Variants in HIBADH observed in about 807,000 individuals in gnomAD.
HIBADH encodes the protein 3-hydroxyisobutyrate dehydrogenase, mitochondrial.
Under a neutral mutation model 36.1 loss-of-function variants are expected in HIBADH, and 25 were observed. The observed-to-expected ratio is 0.69, with a 90% CI of 0.50 to 0.97. HIBADH has a LOEUF of 0.97. HIBADH is among the 50% of genes least tolerant of loss of function. HIBADH has a pLI of 0.00. For synonymous variants in HIBADH, 160 were observed against 149.5 expected (o/e 1.07, Z -0.51); for missense variants, 421 against 418.0 (o/e 1.01, Z -0.06).
At chr7:27,610,861 A>G (rs966777625) in intron 4 of HIBADH, among the ~76,000 whole-genome samples, 1 of 152,218 alleles carries the variant, frequency 6.6e-6, no homozygotes, top group Admixed American at 6.5e-5. Context: ...TCCTTTTACC[A>G]TAAATTAGAT....
chr7:27,613,242 A>G (rs1785364487), intron 4 of HIBADH, among the ~76,000 whole-genome samples: 1 of 142,156 alleles, frequency 7.0e-6, no homozygotes, highest in African/African-American at 2.6e-5. Flanking sequence ...GCTGTCCTCC[A>G]GGTTATCTCC....
intron 7 of HIBADH, among the ~76,000 whole-genome samples, chr7:27,530,705 TAACTA>T (rs973951770): frequency 2.2e-4 from 33 of 148,088 alleles, no homozygotes; most frequent in African/African-American, 8.8e-4. Flanking sequence ...TCCAATGACT[TAACTA>T]GTTTTTATAT....
intron 4 of HIBADH, among the ~76,000 whole-genome samples, chr7:27,615,342 T>C (rs1246992545): frequency 6.6e-6 from 1 of 152,176 alleles, no homozygotes; most frequent in Non-Finnish European, 1.5e-5. Context: ...TAGAGAACCC[T>C]GGGCAAGTCA....
chr7:27,634,291 T>C (rs980854950), intron 2 of HIBADH, among the ~76,000 whole-genome samples: 1 of 152,166 alleles, frequency 6.6e-6, no homozygotes, highest in African/African-American at 2.4e-5. Flanking sequence ...AACCTGTATA[T>C]TTTGATATAT....
intron 4 of HIBADH, among the ~76,000 whole-genome samples, chr7:27,605,487 G>A (rs1314893400): frequency 8.2e-6 from 1 of 121,458 alleles, no homozygotes; most frequent in Admixed American, 8.7e-5. Context: ...CAAGACCCAG[G>A]GAGGGGGGTG....
chr7:27,571,245 G>A (rs909194076), intron 4 of HIBADH, among the ~76,000 whole-genome samples: 8 of 151,174 alleles, frequency 5.3e-5, no homozygotes, highest in Admixed American at 2.0e-4. Context: ...TTTTTGAGAC[G>A]GAGTTTTGCT....
intron 4 of HIBADH, among the ~76,000 whole-genome samples, chr7:27,572,082 G>C (rs1423053902): frequency 6.6e-6 from 1 of 152,158 alleles, no homozygotes; most frequent in Non-Finnish European, 1.5e-5. Context: ...CTTTGTGTGA[G>C]CATAGGGCCT....
chr7:27,590,859 A>C (rs1431288480), intron 4 of HIBADH, among the ~76,000 whole-genome samples: 2 of 152,224 alleles, frequency 1.3e-5, no homozygotes, highest in African/African-American at 2.4e-5. Context: ...AGGTACGGTT[A>C]AGTGAAATTA....
intron 4 of HIBADH, among the ~76,000 whole-genome samples, chr7:27,587,380 G>C (rs1784880843): frequency 6.6e-6 from 1 of 151,852 alleles, no homozygotes; most frequent in African/African-American, 2.4e-5. Context: ...TTTACTACCA[G>C]AAATATGAAA....
intron 2 of HIBADH, among the ~76,000 whole-genome samples, chr7:27,643,711 C>G (rs1424799452): frequency 1.3e-5 from 2 of 152,218 alleles, no homozygotes; most frequent in African/African-American, 4.8e-5. Flanking sequence ...TCTCTCACAG[C>G]TCTGGAGGCC....
intron 1 of HIBADH, among the ~76,000 whole-genome samples, chr7:27,652,279 G>T (rs1006279522): frequency 6.6e-6 from 1 of 151,958 alleles, no homozygotes; most frequent in Non-Finnish European, 1.5e-5. Context: ...CCTAAAGAAT[G>T]CACAAAGAAA....
chr7:27,534,848 C>T (rs1485779697), intron 6 of HIBADH, among the ~76,000 whole-genome samples: 1 of 151,582 alleles, frequency 6.6e-6, no homozygotes, highest in Non-Finnish European at 1.5e-5. Context: ...GTGCCAGAAA[C>T]TATTTAATAA....
At position 27,655,679 on chromosome 7, in the gene HIBADH, G is replaced by A. The variant is rs182602215; in HGVS notation, c.92-6046C>T. Among the ~76,000 whole-genome samples, 808 of 152,012 alleles carry A rather than the reference G, an allele frequency of 5.3e-3. 6 individuals are homozygous for A. The highest frequency in any genetic ancestry group is 7.9e-3 in the Non-Finnish European group (534 of 67,978). ...TATATGTAAAATAACTTTACAATCTGGAAGAAAAACATGAATAATTTTTTA... is the reference window on the plus strand; with the variant it reads ...TATATGTAAAATAACTTTACAATCTAGAAGAAAAACATGAATAATTTTTTA... On this transcript the variant is annotated intron_variant, in intron 1 of 7. Coordinates refer to ENST00000265395, the MANE Select transcript of HIBADH (RefSeq NM_152740.4).
chr7:27,598,458 GGA>G (rs1410239423), intron 4 of HIBADH, among the ~76,000 whole-genome samples: 15 of 152,052 alleles, frequency 9.9e-5, no homozygotes, highest in African/African-American at 3.6e-4. Flanking sequence ...TTTTAAAGAA[GGA>G]ATAAGAATCA....
At chr7:27,647,225 G>A (rs1786089607) in intron 2 of HIBADH, among the ~76,000 whole-genome samples, 1 of 152,182 alleles carries the variant, frequency 6.6e-6, no homozygotes, top group Non-Finnish European at 1.5e-5. Context: ...GCCAGGGAGT[G>A]TCTGCAGCAT....
chr7:27,579,085 A>G (rs1458396887), intron 4 of HIBADH, among the ~76,000 whole-genome samples: 1 of 152,234 alleles, frequency 6.6e-6, no homozygotes, highest in Non-Finnish European at 1.5e-5. Context: ...AATGTAACAT[A>G]TGAACTTTTA....
chr7:27,573,094 G>A (rs912325255), intron 4 of HIBADH, among the ~76,000 whole-genome samples: 3 of 152,100 alleles, frequency 2.0e-5, no homozygotes, highest in Non-Finnish European at 1.5e-5. Flanking sequence ...AAAAGCAAAC[G>A]CATAAAGGCG....
intron 4 of HIBADH, among the ~76,000 whole-genome samples, chr7:27,601,787 C>T (rs1247654877): frequency 2.0e-5 from 3 of 151,988 alleles, no homozygotes; most frequent in African/African-American, 7.2e-5. Flanking sequence ...CATGTTTGCC[C>T]TTTTTGTTCC....
intron 4 of HIBADH, among the ~76,000 whole-genome samples, chr7:27,580,163 C>G (rs908199664): frequency 6.6e-6 from 1 of 152,118 alleles, no homozygotes; most frequent in Admixed American, 6.6e-5. Flanking sequence ...GAAATGCAAT[C>G]AATTATATTG....
Sources: gnomAD v4.1 joint callset for allele counts (sites outside exome capture counted in the v4.1 genomes callset) on GRCh38, gnomAD v4.1.1 for gene constraint, MANE v1.5 for transcripts, NCBI Gene and HGNC (gene_info 2026-07-23, HGNC 2026-07-21) for gene names.